CA13: variants seen among roughly 807,000 people sequenced by gnomAD.
CA13 encodes CA-XIII.
CA13 carries 21 observed loss-of-function variants against 31.5 expected under a neutral mutation model. The observed-to-expected ratio is 0.67, with a 90% CI of 0.47 to 0.96. CA13 has a LOEUF of 0.96. Ranked by LOEUF, CA13 falls within the 40% of genes least tolerant of loss-of-function variation. CA13 has a pLI of 0.00. For missense variants in CA13, 315 were observed against 318.9 expected (o/e 0.99, Z 0.09); for synonymous variants, 117 against 111.4 (o/e 1.05, Z -0.32).
At chr8:85,247,791 G>C (rs1311610174) in intron 1 of CA13, among the ~76,000 whole-genome samples, 1 of 152,072 alleles carries the variant, frequency 6.6e-6, no homozygotes, top group African/African-American at 2.4e-5. Flanking sequence ...GGCTGGTCTA[G>C]AACTCCAGAC....
intron 6 of CA13, among the ~76,000 whole-genome samples, chr8:85,271,707 A>C (rs1313892327): frequency 6.6e-6 from 1 of 152,238 alleles, no homozygotes; most frequent in Non-Finnish European, 1.5e-5. Flanking sequence ...AGTGAAACTC[A>C]TGAATTTTAA....
chr8:85,251,721 A>G (rs1346212357), intron 2 of CA13, among the ~76,000 whole-genome samples: 2 of 152,226 alleles, frequency 1.3e-5, no homozygotes, highest in Admixed American at 1.3e-4. Flanking sequence ...TAAATGAAAC[A>G]ATATGGAAAC....
chr8:85,248,671 A>G (rs76592772), intron 1 of CA13, among the ~76,000 whole-genome samples: 7,348 of 152,180 alleles, frequency 0.048, 218 homozygotes, highest in Non-Finnish European at 0.063. Context: ...TGAACTGACT[A>G]TGGTAGTTAG....
intron 2 of CA13, among the ~76,000 whole-genome samples, chr8:85,256,621 G>GT (rs1396436182): frequency 6.6e-6 from 1 of 152,114 alleles, no homozygotes; most frequent in Non-Finnish European, 1.5e-5. Flanking sequence ...CATACCATAG[G>GT]TGTATAATCC....
intron 2 of CA13, among the ~76,000 whole-genome samples, chr8:85,255,220 G>A (rs1186867269): frequency 6.6e-6 from 1 of 150,940 alleles, no homozygotes; most frequent in Non-Finnish European, 1.5e-5. Context: ...GGGCTCAAGT[G>A]CTTCTCCCCA....
intron 6 of CA13, 74 bp from the exon 7 acceptor site, chr8:85,281,156 T>C (rs1807698282): frequency 6.5e-7 from 1 of 1,536,914 alleles, no homozygotes; most frequent in Non-Finnish European, 8.9e-7. Flanking sequence ...TAGATATATC[T>C]TCTTTATGCA....
intron 2 of CA13, among the ~76,000 whole-genome samples, chr8:85,251,146 C>T (rs567334607): frequency 1.3e-5 from 2 of 152,088 alleles, no homozygotes; most frequent in South Asian, 4.2e-4. Flanking sequence ...GGATTACAGG[C>T]GCACGCCACT....
chr8:85,249,431 G>C (rs1292791926), intron 1 of CA13, among the ~76,000 whole-genome samples: 1 of 150,794 alleles, frequency 6.6e-6, no homozygotes, highest in African/African-American at 2.4e-5. Context: ...GGAAGTTGAG[G>C]CTGCAGTGAG....
chr8:85,267,456 A>T, intron 4 of CA13: 4 of 263,800 alleles, frequency 1.5e-5, no homozygotes, highest in Non-Finnish European at 2.3e-5. Flanking sequence ...TTGATTTGGG[A>T]CCTCAAATCA....
At chr8:85,250,477 A>C (rs556108707) in intron 1 of CA13, among the ~76,000 whole-genome samples, 2 of 149,700 alleles carry the variant, frequency 1.3e-5, no homozygotes, top group East Asian at 3.9e-4. Context: ...AGAGTATTTT[A>C]TAAAATTTAC....
intron 6 of CA13, among the ~76,000 whole-genome samples, chr8:85,279,938 C>T (rs1248992055): frequency 1.3e-5 from 2 of 151,916 alleles, no homozygotes; most frequent in Admixed American, 6.6e-5. Flanking sequence ...AGTAATAGTA[C>T]GTTGTAAACA....
chr8:85,275,030 A>G lies in CA13; in HGVS notation c.670-6200A>G, dbSNP rs1276157032. On this transcript the variant is annotated intron_variant, in intron 6 of 6. Transcript: ENST00000321764. The stretch of plus-strand genomic sequence containing the variant: ...AGTATGCCTGGGTTTCACATATCCA[A>G]AGGAATCCATCAGGGGCAGTCCATT... 2.0e-5 allele frequency among the ~76,000 whole-genome samples: 3 copies of G among 152,176 alleles called. 1 individual carries two copies. The highest frequency in any genetic ancestry group is 4.1e-4 in the South Asian group (2 of 4,832).
At position 85,263,272 on chromosome 8, in the gene CA13, G is replaced by A. The variant is rs1380237892; in HGVS notation, c.355-3336G>A. Among the ~76,000 whole-genome samples the A allele has an allele frequency of 6.6e-5, 10 of 152,308 alleles. No homozygotes were observed. The East Asian group carries it at 1.3e-3, about 21-fold the overall frequency. On this transcript the variant is annotated intron_variant, in intron 3 of 6. Coordinates refer to ENST00000321764, the MANE Select transcript of CA13 (RefSeq NM_198584.3). ...CAGGGACCATGCCACATCGGGTACT[G>A]TTGGGCATTGTAAGCAGTCTGAAGT...
intron 2 of CA13, among the ~76,000 whole-genome samples, chr8:85,257,468 C>G (rs963162044): frequency 6.6e-6 from 1 of 151,868 alleles, no homozygotes. Flanking sequence ...CACCTGTAAT[C>G]CCAGCAGTTT....
chr8:85,274,305 A>C (rs569973762), intron 6 of CA13, among the ~76,000 whole-genome samples: 7 of 152,362 alleles, frequency 4.6e-5, no homozygotes, highest in African/African-American at 1.2e-4. Flanking sequence ...GTTTGTATCC[A>C]TCATGTCGCT....
rs1036813650 is a variant in CA13 at position 85,281,405 on chromosome 8, A to G, written c.*56A>G. 2.0e-5 allele frequency: 32 copies of G among 1,580,886 alleles called. No homozygotes were observed. The highest frequency in any genetic ancestry group is 2.6e-5 in the Non-Finnish European group (30 of 1,158,118). On this transcript the variant is annotated 3_prime_UTR_variant, in exon 7 of 7. Transcript: ENST00000321764. The stretch of plus-strand genomic sequence containing the variant: ...GGCTGTGGAGAGACAACAAAACAAA[A>G]CAAAGCACAAAAGTCTCTGCCAACA...
rs781249780 is a variant in CA13, at chr8:85,282,208, G to C, written c.*859G>C. ...CTTTAATAAAATGAACAATATAAGA[G>C]TTAAGGGCAATGGGATAAAGCTACT... On this transcript the variant is annotated 3_prime_UTR_variant, in exon 7 of 7. Coordinates refer to ENST00000321764, the MANE Select transcript of CA13 (RefSeq NM_198584.3). The C allele has an allele frequency of 2.0e-5, 3 of 152,392 alleles. No individual in the cohort carries two copies. The highest frequency in any genetic ancestry group is 2.9e-5 in the Non-Finnish European group (2 of 68,026). The allele number at this position is 152,392 out of a possible 1,614,324, so 9.4% of individuals were successfully genotyped here.
chr8:85,248,804 G>A (rs1222437937), intron 1 of CA13, among the ~76,000 whole-genome samples: 1 of 152,184 alleles, frequency 6.6e-6, no homozygotes, highest in African/African-American at 2.4e-5. Flanking sequence ...ATTAGGAGAA[G>A]AAAGCAACTC....
chr8:85,267,825 T>A, intron 4 of CA13, 77 bp from the exon 5 acceptor site: 2 of 837,776 alleles, frequency 2.4e-6, no homozygotes, highest in Middle Eastern at 2.4e-4. Flanking sequence ...AAATAATTTT[T>A]AAATAGTGGC....
Sources: gnomAD v4.1 joint callset for allele counts (sites outside exome capture counted in the v4.1 genomes callset) on GRCh38, gnomAD v4.1.1 for gene constraint, MANE v1.5 for transcripts, NCBI Gene and HGNC (gene_info 2026-07-23, HGNC 2026-07-21) for gene names.